Variants in INSYN2A observed in about 807,000 individuals in gnomAD.
The protein encoded by INSYN2A is family with sequence similarity 196 member A.
In INSYN2A, 17 loss-of-function variants were observed where a neutral mutation model predicts 39.4. The observed-to-expected ratio is 0.43, with a 90% CI of 0.30 to 0.65. INSYN2A has a LOEUF of 0.65. Ranked by LOEUF, INSYN2A falls within the 30% of genes least tolerant of loss-of-function variation. INSYN2A has a pLI of 0.14. For synonymous variants in INSYN2A, 255 were observed against 265.7 expected, an observed-to-expected ratio of 0.96 and a Z score of 0.39; for missense variants, 595 against 631.2, an observed-to-expected ratio of 0.94 and a Z score of 0.61.
chr10:127,187,353 G>A (rs1030815493), intron 2 of INSYN2A, among the ~76,000 whole-genome samples: 1 of 152,204 alleles, frequency 6.6e-6, no homozygotes. Flanking sequence ...TGAGTAAGCA[G>A]TACTGATGAT....
At chr10:127,143,153 A>T (rs1336077659) in intron 5 of INSYN2A, among the ~76,000 whole-genome samples, 1 of 152,188 alleles carries the variant, frequency 6.6e-6, no homozygotes. Flanking sequence ...CTGAATCCTC[A>T]AGATAATTTA....
Position 127,138,354 on chromosome 10 carries a change from T to C in INSYN2A, c.1257-334A>G, listed in dbSNP as rs1000568644. ...CCACAGTCTGTTCACATGGGCCTCA[T>C]GGAGTAAAACAGAAAACCAAAAGTA... On this transcript the variant is annotated intron_variant, in intron 5 of 5. Transcript: ENST00000522781. Among the ~76,000 whole-genome samples, 8 of 152,256 alleles carry C rather than the reference T, an allele frequency of 5.3e-5. No individual in the cohort carries two copies. The South Asian group carries it at 1.2e-3, about 24-fold the overall frequency.
At chr10:127,156,894 C>T (rs1443044690) in intron 4 of INSYN2A, among the ~76,000 whole-genome samples, 1 of 152,120 alleles carries the variant, frequency 6.6e-6, no homozygotes, top group Non-Finnish European at 1.5e-5. Flanking sequence ...TAAAGCCCTT[C>T]CTGAAAAGAC....
Position 127,137,060 on chromosome 10 carries a change from C to T in INSYN2A, c.*777G>A, listed in dbSNP as rs1179802051. 1.3e-5 allele frequency: 2 copies of T among 152,586 alleles called. No individual in the cohort carries two copies. Among genetic ancestry groups the T allele is most frequent in the African/African-American group, 2.4e-5 (1 of 41,446 alleles). 9.5% of individuals were successfully genotyped at this position (152,586 alleles called of 1,614,324 possible). ...GGTACCAAAAGATTAAAAATGAGAT[C>T]TAAGAAAACTTAGTGTCCAATAGCT... On this transcript the variant is annotated 3_prime_UTR_variant, in exon 6 of 6. Transcript: ENST00000522781.
chr10:127,156,050 G>T (rs1423966965), intron 4 of INSYN2A, among the ~76,000 whole-genome samples: 1 of 152,128 alleles, frequency 6.6e-6, no homozygotes, highest in African/African-American at 2.4e-5. Flanking sequence ...GCGAAACCAG[G>T]GATATTTACA....
At chr10:127,145,844 G>A (rs1024793767) in intron 5 of INSYN2A, 14 of 355,178 alleles carry the variant, frequency 3.9e-5, no homozygotes, top group Admixed American at 3.6e-4. Context: ...CATCACACAC[G>A]GAAACCATTA....
At chr10:127,160,863 C>G (rs909119476) in intron 4 of INSYN2A, among the ~76,000 whole-genome samples, 1 of 152,212 alleles carries the variant, frequency 6.6e-6, no homozygotes, top group African/African-American at 2.4e-5. Context: ...CTTCTGCATT[C>G]TTACCCAGGT....
At chr10:127,156,857 C>T (rs2053136177) in intron 4 of INSYN2A, among the ~76,000 whole-genome samples, 1 of 152,182 alleles carries the variant, frequency 6.6e-6, no homozygotes, top group Non-Finnish European at 1.5e-5. Flanking sequence ...CGTGTGCCAC[C>T]ATGCCTGGCC....
At chr10:127,147,010 C>T (rs1044095276) in intron 5 of INSYN2A, among the ~76,000 whole-genome samples, 7 of 152,190 alleles carry the variant, frequency 4.6e-5, no homozygotes, top group African/African-American at 9.7e-5. Flanking sequence ...ACTCTTTGCA[C>T]CCTCTGTTTT....
intron 2 of INSYN2A, among the ~76,000 whole-genome samples, chr10:127,192,161 G>T (rs1335735080): frequency 6.6e-6 from 1 of 151,612 alleles, no homozygotes; most frequent in Non-Finnish European, 1.5e-5. Context: ...TTCTTTTTTT[G>T]CTCAAACTTC....
intron 4 of INSYN2A, among the ~76,000 whole-genome samples, chr10:127,161,190 A>G (rs2053563229): frequency 6.6e-6 from 1 of 152,154 alleles, no homozygotes; most frequent in South Asian, 2.1e-4. Context: ...GTGGATTTAG[A>G]CTTCACCATA....
intron 2 of INSYN2A, among the ~76,000 whole-genome samples, chr10:127,190,541 T>A (rs2056645199): frequency 6.6e-6 from 1 of 151,640 alleles, no homozygotes; most frequent in Admixed American, 6.6e-5. Flanking sequence ...TTCATCCAAT[T>A]TCCTCCTATT....
intron 5 of INSYN2A, among the ~76,000 whole-genome samples, chr10:127,147,953 C>T (rs1364235511): frequency 1.4e-5 from 2 of 142,768 alleles, no homozygotes; most frequent in African/African-American, 2.6e-5. Flanking sequence ...ATTGCTTCAA[C>T]CCAGGAGGAG....
rs541511637 is a variant in INSYN2A, at chr10:127,166,419, G to T, written c.1184+8793C>A. 2.0e-5 allele frequency among the ~76,000 whole-genome samples: 3 copies of T among 152,336 alleles called. No homozygotes were observed. The South Asian group carries it at 6.2e-4, about 32-fold the overall frequency. ...ATGTTGGTTCCCCATTTTCAGGGGA[G>T]AGAGAAGATGAGTGGGCCGGTCTGA... On this transcript the variant is annotated intron_variant, in intron 4 of 5. Transcript: ENST00000522781.
chr10:127,143,395 G>A (rs1282753244), intron 5 of INSYN2A, among the ~76,000 whole-genome samples: 5 of 152,272 alleles, frequency 3.3e-5, no homozygotes, highest in Middle Eastern at 3.4e-3. Context: ...AGTGCTAACC[G>A]TGGCTCTGTG....
intron 5 of INSYN2A, among the ~76,000 whole-genome samples, chr10:127,147,917 G>A (rs2052057999): frequency 6.6e-6 from 1 of 150,648 alleles, no homozygotes; most frequent in South Asian, 2.1e-4. Context: ...CGTAGTCCCA[G>A]CTACTCGGGA....
Position 127,137,785 on chromosome 10 carries a change from T to TA in INSYN2A, c.*51dup. The TA allele has an allele frequency of 1.3e-6, 2 of 1,522,504 alleles. No homozygotes were observed. Among genetic ancestry groups the TA allele is most frequent in the Non-Finnish European group, 1.8e-6 (2 of 1,123,952 alleles). 94.3% of individuals were successfully genotyped at this position (1,522,504 alleles called of 1,614,324 possible). A position where few individuals can be genotyped will look rare whatever the true frequency, so the allele number is the denominator to read the frequency against. On this transcript the variant is annotated 3_prime_UTR_variant, in exon 6 of 6. Coordinates refer to ENST00000522781, the MANE Select transcript of INSYN2A (RefSeq NM_001039762.3). ...TATTCATTTTGGAAAAGTATTGACT[T>TA]AAACTCCAGTGGGTTCTAAAGACGG...
intron 2 of INSYN2A, among the ~76,000 whole-genome samples, chr10:127,186,849 A>T (rs1182731464): frequency 2.0e-5 from 3 of 151,972 alleles, no homozygotes; most frequent in African/African-American, 7.2e-5. Context: ...AGAAATGCAC[A>T]GACAAACAGA....
chr10:127,195,907 G>A (rs2057099649), intron 1 of INSYN2A, 90 bp downstream of exon 1: 1 of 152,250 alleles, frequency 6.6e-6, no homozygotes, highest in Non-Finnish European at 1.5e-5. Flanking sequence ...GCCCGAATCG[G>A]GGTCGGCGCC....
Sources: gnomAD v4.1 joint callset for allele counts (sites outside exome capture counted in the v4.1 genomes callset) on GRCh38, gnomAD v4.1.1 for gene constraint, MANE v1.5 for transcripts, NCBI Gene and HGNC (gene_info 2026-07-23, HGNC 2026-07-21) for gene names.